TRAPPC10: variants seen among roughly 807,000 people sequenced by gnomAD.
TRAPPC10 encodes TRAPP 130 kDa subunit.
Under a neutral mutation model 125.5 loss-of-function variants are expected in TRAPPC10, and 23 were observed. The ratio of observed to expected loss-of-function variants is 0.18; its 90% CI spans 0.13 to 0.26. The LOEUF (loss-of-function observed/expected upper bound fraction) is 0.26, where lower values mean the gene tolerates loss of function less well. TRAPPC10 is among the 10% of genes least tolerant of loss of function. The pLI, the probability that TRAPPC10 is intolerant of heterozygous loss-of-function variation, is 1.00. For synonymous variants in TRAPPC10, 509 were observed against 518.0 expected (o/e 0.98, Z 0.24); for missense variants, 1,123 against 1,308.4 (o/e 0.86, Z 2.19).
chr21:44,095,552 TTTTTGTTTTTTG>T (rs984819625), intron 20 of TRAPPC10, among the ~76,000 whole-genome samples: 5 of 149,764 alleles, frequency 3.3e-5, no homozygotes, highest in African/African-American at 1.2e-4. Context: ...TATGGGTTTT[TTTTTGTTTTTTG>T]TTTTGTTTTG....
intron 6 of TRAPPC10, chr21:44,062,576 G>A: frequency 1.0e-6 from 1 of 985,228 alleles, no homozygotes; most frequent in Non-Finnish European, 1.2e-6. Context: ...TGCTGGTACA[G>A]GGCTGGGCTG....
At chr21:44,025,781 T>C (rs1210737836) in intron 1 of TRAPPC10, among the ~76,000 whole-genome samples, 1 of 151,330 alleles carries the variant, frequency 6.6e-6, no homozygotes, top group African/African-American at 2.4e-5. Flanking sequence ...GGTAGTATTG[T>C]CATATGACTG....
chr21:44,093,877 A>G (rs2038750042), intron 19 of TRAPPC10, among the ~76,000 whole-genome samples, 186 bp from the exon 20 acceptor site: 2 of 152,240 alleles, frequency 1.3e-5, no homozygotes, highest in Admixed American at 1.3e-4. Flanking sequence ...AAGGCCAGGC[A>G]AAGGGAGTCA....
intron 1 of TRAPPC10, among the ~76,000 whole-genome samples, chr21:44,014,308 G>A (rs567068884): frequency 6.6e-6 from 1 of 152,010 alleles, no homozygotes; most frequent in South Asian, 2.1e-4. Flanking sequence ...GAAGGATGCG[G>A]TTTTCTTTCC....
intron 11 of TRAPPC10, among the ~76,000 whole-genome samples, chr21:44,078,809 C>T (rs970476446): frequency 9.9e-5 from 15 of 152,252 alleles, no homozygotes; most frequent in Middle Eastern, 3.4e-3. Flanking sequence ...CAGGCAAGGC[C>T]GCACACACCA....
intron 19 of TRAPPC10, among the ~76,000 whole-genome samples, chr21:44,093,377 C>T (rs543223377): frequency 1.4e-4 from 22 of 152,006 alleles, no homozygotes; most frequent in Non-Finnish European, 3.2e-4. Flanking sequence ...ATCTCTTGAA[C>T]CTGGGAGGTT....
In TRAPPC10 at chr21:44,016,571, A is replaced by G. The variant is rs865949709; in HGVS notation, c.67+4011A>G. Among the ~76,000 whole-genome samples the G allele has an allele frequency of 3.8e-4, 58 of 152,304 alleles. 1 individual carries two copies. In the Middle Eastern group the frequency reaches 0.02, roughly 54 times the overall value. On this transcript the variant is annotated intron_variant, in intron 1 of 22. Coordinates refer to ENST00000291574, the MANE Select transcript of TRAPPC10 (RefSeq NM_003274.5). ...CTGATATTAGAAACTTTTAAAGGGG[A>G]AAACAGGCAACAGAAATGAGCAGAT...
intron 3 of TRAPPC10, among the ~76,000 whole-genome samples, chr21:44,040,492 C>T (rs1282418202): frequency 2.6e-5 from 4 of 151,986 alleles, no homozygotes; most frequent in Non-Finnish European, 5.9e-5. Flanking sequence ...CACAGGCATG[C>T]GCCCAGCTAA....
chr21:44,050,502 G>A (rs1288679900), intron 3 of TRAPPC10, among the ~76,000 whole-genome samples: 1 of 152,102 alleles, frequency 6.6e-6, no homozygotes, highest in African/African-American at 2.4e-5. Flanking sequence ...CGTGTGGATG[G>A]GGTCAGCCGG....
chr21:44,030,965 A>T (rs1276388934), intron 1 of TRAPPC10, among the ~76,000 whole-genome samples: 1 of 151,950 alleles, frequency 6.6e-6, no homozygotes, highest in East Asian at 1.9e-4. Flanking sequence ...AGCTCTTCTC[A>T]TTTTCCCATT....
intron 3 of TRAPPC10, among the ~76,000 whole-genome samples, chr21:44,043,310 TTC>T (rs1156278069): frequency 6.9e-6 from 1 of 144,816 alleles, no homozygotes; most frequent in Non-Finnish European, 1.5e-5. Context: ...ACCTCCCGGG[TTC>T]AAGCGATTCT....
At chr21:44,012,984 C>T (rs1038757828) in intron 1 of TRAPPC10, among the ~76,000 whole-genome samples, 11 of 152,208 alleles carry the variant, frequency 7.2e-5, no homozygotes, top group African/African-American at 2.4e-4. Flanking sequence ...CGGGGAAGTC[C>T]TTGGGGGCTC....
chr21:44,069,801 T>A (rs2036724222), intron 7 of TRAPPC10, among the ~76,000 whole-genome samples: 1 of 152,094 alleles, frequency 6.6e-6, no homozygotes, highest in East Asian at 1.9e-4. Context: ...CCCTGTAGTG[T>A]GCTAGGGTAC....
At chr21:44,026,315 T>C (rs1319897060) in intron 1 of TRAPPC10, among the ~76,000 whole-genome samples, 1 of 152,192 alleles carries the variant, frequency 6.6e-6, no homozygotes, top group African/African-American at 2.4e-5. Flanking sequence ...GTTTTCACCA[T>C]GAAAGAGCTC....
chr21:44,027,465 ACTG>A lies in TRAPPC10; in HGVS notation c.68-4621_68-4619del, dbSNP rs765491625. 5.3e-5 allele frequency among the ~76,000 whole-genome samples: 8 copies of A among 152,336 alleles called. 1 individual carries two copies. The South Asian group carries it at 1.2e-3, about 24-fold the overall frequency. ...TTTTCAGCCAACCATTGTTAAAACA[ACTG>A]CTGCAGAGTAAGTAGTAAACTTGTT... On this transcript the variant is annotated intron_variant, in intron 1 of 22. Transcript: ENST00000291574.
At chr21:44,076,721 G>T (rs965670568) in intron 10 of TRAPPC10, 93 bp downstream of exon 10, 1 of 1,117,696 alleles carries the variant, frequency 8.9e-7, no homozygotes, top group Non-Finnish European at 1.3e-6. Flanking sequence ...AGGAACTGGT[G>T]TGGGGGGCCC....
intron 7 of TRAPPC10, among the ~76,000 whole-genome samples, chr21:44,064,675 C>T (rs567302650): frequency 1.3e-5 from 2 of 152,020 alleles, no homozygotes; most frequent in East Asian, 1.9e-4. Flanking sequence ...TTGATGGGGA[C>T]GGTGTTTCAT....
At chr21:44,016,870 G>A (rs547881900) in intron 1 of TRAPPC10, among the ~76,000 whole-genome samples, 3 of 152,232 alleles carry the variant, frequency 2.0e-5, no homozygotes, top group African/African-American at 4.8e-5. Flanking sequence ...GTGTCAGCCA[G>A]GATGGTCTTG....
intron 4 of TRAPPC10, 50 bp downstream of exon 4, chr21:44,052,526 C>A: frequency 6.6e-7 from 1 of 1,508,368 alleles, no homozygotes; most frequent in Middle Eastern, 1.8e-4. Context: ...TGACATGATA[C>A]AGATTGCTGG....
Sources: gnomAD v4.1 joint callset for allele counts (sites outside exome capture counted in the v4.1 genomes callset) on GRCh38, gnomAD v4.1.1 for gene constraint, MANE v1.5 for transcripts, NCBI Gene and HGNC (gene_info 2026-07-23, HGNC 2026-07-21) for gene names.